Variants in SPIDR observed in about 807,000 individuals in gnomAD.
The protein encoded by SPIDR is scaffold protein involved in DNA repair, also known as DNA repair-scaffolding protein.
SPIDR carries 93 observed loss-of-function variants against 104.6 expected under a neutral mutation model. That is an observed-to-expected ratio of 0.89 (90% CI 0.75 to 1.06). The LOEUF is 1.06. SPIDR is among the 50% of genes least tolerant of loss of function. The probability of loss-of-function intolerance (pLI) is 0.00; values close to 1 mark genes in which losing one functional copy is unlikely to be tolerated. For synonymous variants in SPIDR, 431 were observed against 416.9 expected (o/e 1.03, Z -0.41); for missense variants, 1,154 against 1,111.2 (o/e 1.04, Z -0.55).
At chr8:47,641,298 T>TAC (rs1188320009) in intron 10 of SPIDR, among the ~76,000 whole-genome samples, 2 of 152,180 alleles carry the variant, frequency 1.3e-5, no homozygotes, top group Non-Finnish European at 2.9e-5. Flanking sequence ...GCACTGGTGA[T>TAC]ACAGGTGTGA....
At chr8:47,513,759 G>T (rs1183499942) in intron 8 of SPIDR, among the ~76,000 whole-genome samples, 1 of 152,180 alleles carries the variant, frequency 6.6e-6, no homozygotes, top group Non-Finnish European at 1.5e-5. Context: ...AGATATAAGG[G>T]TGAGGGAGGA....
At chr8:47,434,872 T>C (rs1554691262) in intron 7 of SPIDR, among the ~76,000 whole-genome samples, 1 of 152,252 alleles carries the variant, frequency 6.6e-6, no homozygotes. Flanking sequence ...TGACTACCTG[T>C]ATATTTCAAC....
chr8:47,385,154 C>G (rs997933433), intron 5 of SPIDR, among the ~76,000 whole-genome samples: 1 of 152,096 alleles, frequency 6.6e-6, no homozygotes, highest in African/African-American at 2.4e-5. Context: ...ACCTCAGCTC[C>G]CAGAATTAAT....
intron 10 of SPIDR, among the ~76,000 whole-genome samples, chr8:47,630,639 C>G (rs1470429522): frequency 1.3e-5 from 2 of 152,178 alleles, no homozygotes; most frequent in East Asian, 3.8e-4. Context: ...CGTAGTTGGC[C>G]TTTCCAGGGC....
chr8:47,512,037 A>T, intron 8 of SPIDR: 1 of 713,660 alleles, frequency 1.4e-6, no homozygotes, highest in Non-Finnish European at 2.5e-6. Context: ...TCGCTAGCGC[A>T]ATCTGCAAGT....
At chr8:47,406,225 T>A (rs989528729) in intron 6 of SPIDR, among the ~76,000 whole-genome samples, 19 of 152,148 alleles carry the variant, frequency 1.2e-4, no homozygotes, top group African/African-American at 4.6e-4. Flanking sequence ...TAATACTGTT[T>A]AAGAGGTGCT....
intron 5 of SPIDR, among the ~76,000 whole-genome samples, chr8:47,359,252 CAAAAAAAA>C (rs11372277): frequency 1.7e-5 from 2 of 114,960 alleles, no homozygotes; most frequent in Non-Finnish European, 3.4e-5. Context: ...GACTCCGTCT[CAAAAAAAA>C]AAAAAAAAGT....
At chr8:47,453,291 C>G (rs181480781) in intron 8 of SPIDR, among the ~76,000 whole-genome samples, 4 of 152,204 alleles carry the variant, frequency 2.6e-5, no homozygotes, top group African/African-American at 4.8e-5. Flanking sequence ...GCCATACTGC[C>G]CAGGGTAATT....
chr8:47,597,971 C>CA (rs2154424687), intron 9 of SPIDR, among the ~76,000 whole-genome samples: 1 of 152,318 alleles, frequency 6.6e-6, no homozygotes, highest in East Asian at 1.9e-4. Flanking sequence ...GAAAAGTAGA[C>CA]AAACTTTCAG....
intron 5 of SPIDR, chr8:47,388,244 T>G (rs1394350819): frequency 1.3e-5 from 2 of 152,274 alleles, no homozygotes; most frequent in Non-Finnish European, 2.9e-5. Flanking sequence ...TCAAGCTCTT[T>G]ATGGAAGTGT....
intron 19 of SPIDR, 79 bp from the exon 20 acceptor site, chr8:47,735,228 G>A: frequency 7.1e-7 from 1 of 1,414,046 alleles, no homozygotes; most frequent in African/African-American, 1.4e-5. Flanking sequence ...TTCCACTCTG[G>A]CTCTCTGGTT....
intron 1 of SPIDR, among the ~76,000 whole-genome samples, chr8:47,277,822 A>C (rs1554555387): frequency 1.3e-4 from 20 of 151,578 alleles, no homozygotes; most frequent in Non-Finnish European, 2.4e-4. Flanking sequence ...CTACAGGCGC[A>C]CACCACCATT....
chr8:47,532,717 T>C (rs1228548766), intron 8 of SPIDR, among the ~76,000 whole-genome samples: 1 of 152,224 alleles, frequency 6.6e-6, no homozygotes, highest in Non-Finnish European at 1.5e-5. Flanking sequence ...TTATAAGTAA[T>C]TGACAGATCC....
At chr8:47,732,983 TAA>T (rs1377916804) in intron 19 of SPIDR, among the ~76,000 whole-genome samples, 2 of 152,244 alleles carry the variant, frequency 1.3e-5, no homozygotes, top group African/African-American at 2.4e-5. Context: ...AGTGATTTTT[TAA>T]AAGAGAGCAC....
chr8:47,285,047 G>A (rs2038564905), intron 3 of SPIDR, among the ~76,000 whole-genome samples: 1 of 152,184 alleles, frequency 6.6e-6, no homozygotes. Context: ...AGTCTGTTTT[G>A]TATCTGGAGA....
At chr8:47,281,508 C>T (rs371802920) in intron 2 of SPIDR, among the ~76,000 whole-genome samples, 1 of 152,334 alleles carries the variant, frequency 6.6e-6, no homozygotes, top group South Asian at 2.1e-4. Flanking sequence ...GTTATCACTT[C>T]AACAATGTTC....
At chr8:47,418,755 T>G (rs2064846450) in intron 7 of SPIDR, among the ~76,000 whole-genome samples, 2 of 152,208 alleles carry the variant, frequency 1.3e-5, no homozygotes, top group African/African-American at 4.8e-5. Context: ...GGCTGTGGGT[T>G]TGTCATAGAT....
intron 7 of SPIDR, among the ~76,000 whole-genome samples, chr8:47,428,112 C>A (rs1364385171): frequency 6.6e-6 from 1 of 152,122 alleles, no homozygotes; most frequent in Non-Finnish European, 1.5e-5. Context: ...TTTGTAGAGA[C>A]GTGGTTTCAC....
chr8:47,314,389 C>T (rs1222332982), intron 5 of SPIDR, among the ~76,000 whole-genome samples: 1 of 152,126 alleles, frequency 6.6e-6, no homozygotes, highest in African/African-American at 2.4e-5. Flanking sequence ...TCAGTCTGTT[C>T]TCATACTGCT....
Sources: gnomAD v4.1 joint callset for allele counts (sites outside exome capture counted in the v4.1 genomes callset) on GRCh38, gnomAD v4.1.1 for gene constraint, MANE v1.5 for transcripts, NCBI Gene and HGNC (gene_info 2026-07-23, HGNC 2026-07-21) for gene names.